TMEM178B: variants seen among roughly 807,000 people sequenced by gnomAD.
The protein encoded by TMEM178B is transmembrane protein 178B.
TMEM178B carries 5 observed loss-of-function variants against 31.0 expected under a neutral mutation model. The observed-to-expected ratio is 0.16, with a 90% CI of 0.08 to 0.34. The LOEUF (loss-of-function observed/expected upper bound fraction) is 0.34. TMEM178B is among the 10% of genes least tolerant of loss of function. The pLI, the probability that TMEM178B is intolerant of heterozygous loss-of-function variation, is 1.00. For synonymous variants in TMEM178B, 164 were observed against 164.0 expected, an observed-to-expected ratio of 1.00 and a Z score of 0.00; for missense variants, 275 against 400.3, an observed-to-expected ratio of 0.69 and a Z score of 2.67.
intron 1 of TMEM178B, among the ~76,000 whole-genome samples, chr7:141,160,339 C>T (rs1012022776): frequency 3.3e-5 from 5 of 152,062 alleles, no homozygotes; most frequent in African/African-American, 9.7e-5. Flanking sequence ...AGTGATACCC[C>T]GGCACCAGCT....
chr7:141,309,394 A>G (rs1798870264), intron 2 of TMEM178B, among the ~76,000 whole-genome samples: 1 of 152,230 alleles, frequency 6.6e-6, no homozygotes, highest in Non-Finnish European at 1.5e-5. Context: ...TACAAAAGTA[A>G]TACATGTTCA....
At chr7:141,223,767 A>C (rs1797294073) in intron 2 of TMEM178B, among the ~76,000 whole-genome samples, 1 of 152,110 alleles carries the variant, frequency 6.6e-6, no homozygotes, top group Non-Finnish European at 1.5e-5. Flanking sequence ...TTTACAATTC[A>C]ACGTTCCAAT....
At chr7:141,199,169 C>T (rs1303000607) in intron 1 of TMEM178B, among the ~76,000 whole-genome samples, 2 of 152,038 alleles carry the variant, frequency 1.3e-5, no homozygotes, top group Admixed American at 1.3e-4. Flanking sequence ...TTGTTCAAAA[C>T]ATGCAAAAAA....
At chr7:141,102,063 G>A (rs1795068406) in intron 1 of TMEM178B, among the ~76,000 whole-genome samples, 1 of 152,092 alleles carries the variant, frequency 6.6e-6, no homozygotes, top group East Asian at 1.9e-4. Flanking sequence ...CTGTTGAAGA[G>A]TAATTGCTCC....
At chr7:141,345,384 CAG>C (rs1275129872) in intron 2 of TMEM178B, among the ~76,000 whole-genome samples, 1 of 152,154 alleles carries the variant, frequency 6.6e-6, no homozygotes, top group Non-Finnish European at 1.5e-5. Flanking sequence ...AAAGATTTTT[CAG>C]AGAGTTTCTG....
intron 2 of TMEM178B, among the ~76,000 whole-genome samples, chr7:141,303,726 T>C (rs958134861): frequency 2.0e-5 from 3 of 152,118 alleles, no homozygotes; most frequent in Non-Finnish European, 2.9e-5. Context: ...GGCAAAGACA[T>C]TGAATGTTTT....
At chr7:141,410,127 A>G (rs1047740911) in intron 2 of TMEM178B, among the ~76,000 whole-genome samples, 1 of 151,894 alleles carries the variant, frequency 6.6e-6, no homozygotes, top group Admixed American at 6.6e-5. Flanking sequence ...AAATTTCCCG[A>G]TTTCTCCCCA....
intron 2 of TMEM178B, among the ~76,000 whole-genome samples, chr7:141,410,710 AC>A: frequency 6.6e-6 from 1 of 151,608 alleles, no homozygotes; most frequent in African/African-American, 2.4e-5. Flanking sequence ...AAACCTCCTC[AC>A]CTCTTTTTTG....
chr7:141,504,420 C>A, the TMEM178B span, among the ~76,000 whole-genome samples: 5 of 152,160 alleles, frequency 3.3e-5, no homozygotes, highest in Middle Eastern at 0.017. Context: ...ATATCTGTCA[C>A]CTGAAGAAAA....
chr7:141,236,244 A>G (rs1797525012), intron 2 of TMEM178B, among the ~76,000 whole-genome samples: 1 of 152,180 alleles, frequency 6.6e-6, no homozygotes, highest in African/African-American at 2.4e-5. Context: ...CCCCAATATC[A>G]CTGACTAAGC....
At chr7:141,340,458 A>C (rs1449467566) in intron 2 of TMEM178B, among the ~76,000 whole-genome samples, 1 of 152,254 alleles carries the variant, frequency 6.6e-6, no homozygotes, top group Non-Finnish European at 1.5e-5. Flanking sequence ...AATTTGGCAC[A>C]TGTAGCTGTA....
intron 1 of TMEM178B, among the ~76,000 whole-genome samples, chr7:141,140,415 G>A (rs1242772805): frequency 2.6e-5 from 4 of 152,110 alleles, no homozygotes; most frequent in Non-Finnish European, 5.9e-5. Context: ...TTTTAGAACA[G>A]TTTTGTATTT....
intron 2 of TMEM178B, among the ~76,000 whole-genome samples, chr7:141,294,456 T>C (rs150995393): frequency 5.4e-4 from 82 of 152,298 alleles, no homozygotes; most frequent in Non-Finnish European, 9.9e-4. Flanking sequence ...CTGGACTATG[T>C]ACATAAAGAT....
chr7:141,295,269 T>A (rs1798612083), intron 2 of TMEM178B, among the ~76,000 whole-genome samples: 1 of 152,140 alleles, frequency 6.6e-6, no homozygotes, highest in Non-Finnish European at 1.5e-5. Context: ...TCTTGTGCCC[T>A]CCACCATGGT....
intron 2 of TMEM178B, among the ~76,000 whole-genome samples, chr7:141,254,700 G>A (rs758462943): frequency 1.4e-4 from 22 of 152,268 alleles, no homozygotes; most frequent in Admixed American, 5.2e-4. Flanking sequence ...CAGCCTGGGG[G>A]ACAAGAGCGA....
intron 2 of TMEM178B, among the ~76,000 whole-genome samples, chr7:141,311,377 A>G (rs1340178559): frequency 6.6e-6 from 1 of 152,186 alleles, no homozygotes; most frequent in Non-Finnish European, 1.5e-5. Flanking sequence ...TAGAAAGGTT[A>G]ATTTTTTCAT....
chr7:141,186,046 C>T (rs1254576481), intron 1 of TMEM178B, among the ~76,000 whole-genome samples: 1 of 152,144 alleles, frequency 6.6e-6, no homozygotes, highest in East Asian at 1.9e-4. Flanking sequence ...TAGTAACTTA[C>T]CACCTTTCCT....
intron 2 of TMEM178B, among the ~76,000 whole-genome samples, chr7:141,228,145 C>G (rs774076649): frequency 2.6e-5 from 4 of 152,146 alleles, no homozygotes; most frequent in African/African-American, 4.8e-5. Context: ...TTTCAGGTCT[C>G]ACATCATTTT....
At chr7:141,202,922 T>C (rs1483102855) in intron 1 of TMEM178B, among the ~76,000 whole-genome samples, 1 of 152,226 alleles carries the variant, frequency 6.6e-6, no homozygotes, top group East Asian at 1.9e-4. Flanking sequence ...CCAGCATGGT[T>C]TGCCCACTTG....
Sources: allele counts gnomAD v4.1 joint callset (sites outside exome capture counted in the v4.1 genomes callset), GRCh38; gene constraint gnomAD v4.1.1; transcripts MANE v1.5; gene names NCBI Gene and HGNC (gene_info 2026-07-23, HGNC 2026-07-21).